LMO7: variants seen among roughly 807,000 people sequenced by gnomAD.
The protein encoded by LMO7 is LIM domain only protein 7.
A neutral mutation model predicts 206.5 loss-of-function variants in LMO7; 120 were observed. That is an observed-to-expected ratio of 0.58 (90% CI 0.50 to 0.68). The LOEUF is 0.68. Among genes scored for constraint, LMO7 ranks in the 30% least tolerant of loss-of-function variants. The pLI is 0.00. For synonymous variants in LMO7, 706 were observed against 681.5 expected (o/e 1.04, Z -0.56); for missense variants, 1,959 against 1,957.9 (o/e 1.00, Z -0.01).
intron 25 of LMO7, among the ~76,000 whole-genome samples, chr13:75,844,253 A>G (rs1209681450): frequency 1.3e-5 from 2 of 152,070 alleles, no homozygotes; most frequent in Middle Eastern, 3.2e-3. Context: ...AATTATTCAC[A>G]AGTGCAGCTG....
In LMO7 at chr13:75,849,270, A is replaced by C. The variant is rs201129826; in HGVS notation, c.4342A>C (p.Ser1448Arg). 2 of 1,614,004 alleles carry C rather than the reference A, an allele frequency of 1.2e-6. No homozygotes were observed. The highest frequency in any genetic ancestry group is 1.7e-6 in the Non-Finnish European group (2 of 1,179,868). The part of the protein sequence containing the change: ...RSASVNKEPV[S>R]LPGIMRRGES... ...TGCCAGTGTCAACAAAGAGCCTGTT[A>C]GTCTTCCTGGGATCATGAGAAGGTG... The change falls in exon 27 of 31, where the codon AGT (serine) becomes CGT (arginine). Residue 1448 changes from serine to arginine, a missense_variant. By Grantham distance (110) the Ser-to-Arg change is moderately radical. Coordinates refer to ENST00000377534, the MANE Select transcript of LMO7 (RefSeq NM_001306080.2).
At chr13:75,797,927 C>A (rs371329615) in intron 6 of LMO7, among the ~76,000 whole-genome samples, 1 of 152,158 alleles carries the variant, frequency 6.6e-6, no homozygotes, top group Non-Finnish European at 1.5e-5. Flanking sequence ...GACTACGTAA[C>A]CTCATAAAGC....
chr13:75,823,489 A>T, intron 14 of LMO7, 76 bp from the exon 15 acceptor site: 1 of 1,129,940 alleles, frequency 8.9e-7, no homozygotes, highest in Non-Finnish European at 1.3e-6. Context: ...TTAAAATATT[A>T]ATTTAATAAA....
chr13:75,774,771 A>C (rs940307591), intron 4 of LMO7, among the ~76,000 whole-genome samples: 1 of 152,104 alleles, frequency 6.6e-6, no homozygotes, highest in Admixed American at 6.6e-5. Context: ...CCTTTGTTAG[A>C]TATATCAGTT....
intron 15 of LMO7, among the ~76,000 whole-genome samples, chr13:75,827,758 AC>A (rs754906930): frequency 1.2e-3 from 187 of 151,926 alleles, no homozygotes; most frequent in Non-Finnish European, 2.1e-3. Flanking sequence ...ATGTTTTTAA[AC>A]CCTCTACAAA....
chr13:75,841,668 C>A lies in LMO7; in HGVS notation c.3716C>A (p.Thr1239Lys), dbSNP rs1318418759. The part of the protein sequence containing the change: ...VLSSNSMSLT[T>K]REPSLATWEA... ...AGCTCAAACAGCATGTCTCTGACCACACGGGAGCCCTCTCTTGCCACCTGG... is the reference window on the plus strand; with the variant it reads ...AGCTCAAACAGCATGTCTCTGACCAAACGGGAGCCCTCTCTTGCCACCTGG... The change falls in exon 24 of 31, where the codon ACA (threonine) becomes AAA (lysine). Residue 1239 changes from threonine to lysine, a missense_variant. Physicochemically the swap from Thr to Lys is moderately conservative, Grantham distance 78 (BLOSUM62 -1). Coordinates refer to ENST00000377534, the MANE Select transcript of LMO7 (RefSeq NM_001306080.2). 6.2e-7 allele frequency: 1 copy of A among 1,613,980 alleles called. No individual in the cohort carries two copies. The highest frequency in any genetic ancestry group is 1.3e-5 in the African/African-American group (1 of 74,900).
At chr13:75,691,543 C>T (rs376609981) in intron 1 of LMO7, among the ~76,000 whole-genome samples, 3 of 152,244 alleles carry the variant, frequency 2.0e-5, no homozygotes, top group Admixed American at 6.5e-5. Context: ...TGGGCCTTTT[C>T]ACTCTGGCCT....
At chr13:75,771,650 T>G (rs947553436) in intron 4 of LMO7, among the ~76,000 whole-genome samples, 5 of 102,734 alleles carry the variant, frequency 4.9e-5, no homozygotes, top group Non-Finnish European at 1.0e-4. Flanking sequence ...TTTTACTTAA[T>G]CTTGTTAAAA....
At position 75,700,118 on chromosome 13, in the gene LMO7, C is replaced by T. The variant is rs142609524; in HGVS notation, c.70-13064C>T. Among the ~76,000 whole-genome samples, 893 of 152,350 alleles carry T rather than the reference C, an allele frequency of 5.9e-3. 6 individuals are homozygous for T. The highest frequency in any genetic ancestry group is 0.019 in the African/African-American group (805 of 41,572). ...GTTATCTCCCTTGTTTCCTGAACAT[C>T]GCTGTTATCCTGTTCTTTTAGGATG... On this transcript the variant is annotated intron_variant, in intron 1 of 30. Coordinates refer to ENST00000377534, the MANE Select transcript of LMO7 (RefSeq NM_001306080.2).
At chr13:75,718,579 A>G (rs2043754553) in intron 2 of LMO7, among the ~76,000 whole-genome samples, 1 of 152,104 alleles carries the variant, frequency 6.6e-6, no homozygotes, top group South Asian at 2.1e-4. Context: ...AGCCTCCCCC[A>G]TTATCAACGT....
At chr13:75,732,610 C>T (rs1228362468) in intron 3 of LMO7, among the ~76,000 whole-genome samples, 19 of 152,154 alleles carry the variant, frequency 1.2e-4, no homozygotes, top group Non-Finnish European at 2.4e-4. Context: ...TGTCTGAAGC[C>T]TTCTTCTCTC....
At chr13:75,751,193 C>G (rs1054665463) in intron 3 of LMO7, among the ~76,000 whole-genome samples, 1 of 112,802 alleles carries the variant, frequency 8.9e-6, no homozygotes, top group African/African-American at 3.5e-5. Context: ...CAGAGCCTCG[C>G]TCTGTCGCCC....
chr13:75,676,147 G>A (rs1207176649), intron 1 of LMO7, among the ~76,000 whole-genome samples: 1 of 152,142 alleles, frequency 6.6e-6, no homozygotes, highest in Non-Finnish European at 1.5e-5. Flanking sequence ...TTGAGTAGAT[G>A]AATAAAATTA....
chr13:75,735,119 G>GTGTT (rs1368511420), intron 3 of LMO7, among the ~76,000 whole-genome samples: 3 of 51,536 alleles, frequency 5.8e-5, no homozygotes, highest in African/African-American at 1.3e-4. Flanking sequence ...AAAATTACGT[G>GTGTT]TGTGTGTGTG....
At chr13:75,844,505 G>A (rs1352391892) in intron 25 of LMO7, among the ~76,000 whole-genome samples, 1 of 151,798 alleles carries the variant, frequency 6.6e-6, no homozygotes, top group Non-Finnish European at 1.5e-5. Context: ...CACCTCCTGG[G>A]TTCAAGTGAT....
chr13:75,626,050 G>A (rs2034021881), intron 2 of LMO7, among the ~76,000 whole-genome samples: 1 of 152,126 alleles, frequency 6.6e-6, no homozygotes, highest in Non-Finnish European at 1.5e-5. Flanking sequence ...AAGATCACTG[G>A]GCTCTTACAA....
At chr13:75,642,122 GA>G (rs566773074) in intron 1 of LMO7, among the ~76,000 whole-genome samples, 147 of 152,282 alleles carry the variant, frequency 9.7e-4, no homozygotes, top group African/African-American at 3.4e-3. Context: ...ACCAGGGCAG[GA>G]ATGCCGTTAG....
chr13:75,737,762 A>AAAT lies in LMO7; in HGVS notation c.210+10666_210+10667insTAA, dbSNP rs1566372012. Among the ~76,000 whole-genome samples the AAAT allele has an allele frequency of 2.1e-4, 9 of 43,716 alleles. 1 individual carries two copies. Among genetic ancestry groups the AAAT allele is most frequent in the African/African-American group, 4.5e-4 (4 of 8,808 alleles). The allele number at this position is 43,716 out of a possible 152,430, so 28.7% of individuals were successfully genotyped here. A position where few individuals can be genotyped will look rare whatever the true frequency, so the allele number is the denominator to read the frequency against. ...AGCGAGACTCCGTCTCAAAAAAAAA[A>AAAT]AAAATAAAATAAAATAAAATAAAAA... On this transcript the variant is annotated intron_variant, in intron 3 of 30. Coordinates refer to ENST00000377534, the MANE Select transcript of LMO7 (RefSeq NM_001306080.2).
At chr13:75,805,147 C>T (rs541695730) in intron 8 of LMO7, 63 of 1,121,202 alleles carry the variant, frequency 5.6e-5, no homozygotes, top group Non-Finnish European at 5.5e-5. Context: ...TATGGACTGA[C>T]GAGGTCAGAA....
Sources: allele counts gnomAD v4.1 joint callset (sites outside exome capture counted in the v4.1 genomes callset), GRCh38; gene constraint gnomAD v4.1.1; transcripts MANE v1.5; gene names NCBI Gene and HGNC (gene_info 2026-07-23, HGNC 2026-07-21).